The following MMP16 variants were observed in gnomAD, a reference collection of about 807,000 sequenced individuals.
MMP16 encodes matrix metalloproteinase-16.
In MMP16, 12 loss-of-function variants were observed where a neutral mutation model predicts 67.8. That is an observed-to-expected ratio of 0.18 (90% CI 0.11 to 0.29). The LOEUF is 0.29. MMP16 is among the 10% of genes least tolerant of loss of function. The probability of loss-of-function intolerance (pLI) is 1.00; values close to 1 mark genes in which losing one functional copy is unlikely to be tolerated. For synonymous variants in MMP16, 249 were observed against 255.9 expected, an observed-to-expected ratio of 0.97 and a Z score of 0.26; for missense variants, 475 against 765.7, an observed-to-expected ratio of 0.62 and a Z score of 4.48.
At chr8:88,258,619 C>T (rs1810341139) in intron 1 of MMP16, among the ~76,000 whole-genome samples, 1 of 152,222 alleles carries the variant, frequency 6.6e-6, no homozygotes, top group African/African-American at 2.4e-5. Context: ...GATAGCCACA[C>T]TGCCTGATGC....
chr8:88,292,216 A>G (rs1810936523), intron 1 of MMP16, among the ~76,000 whole-genome samples: 1 of 152,248 alleles, frequency 6.6e-6, no homozygotes. Flanking sequence ...GAAGTTAGCA[A>G]AATCGTTCAA....
intron 6 of MMP16, among the ~76,000 whole-genome samples, chr8:88,113,254 A>T (rs1479421068): frequency 6.6e-6 from 1 of 151,834 alleles, no homozygotes; most frequent in African/African-American, 2.4e-5. Context: ...TATAAAAATC[A>T]CTAGAGAGAA....
At chr8:88,106,075 G>T in intron 6 of MMP16, among the ~76,000 whole-genome samples, 1 of 131,910 alleles carries the variant, frequency 7.6e-6, no homozygotes, top group African/African-American at 2.9e-5. Context: ...ATATATATAT[G>T]TATTTATAGT....
intron 1 of MMP16, among the ~76,000 whole-genome samples, chr8:88,233,590 T>C (rs1809896245): frequency 6.6e-6 from 1 of 152,214 alleles, no homozygotes; most frequent in African/African-American, 2.4e-5. Context: ...TTTGTTTTAA[T>C]TCCAAGAGCA....
intron 1 of MMP16, among the ~76,000 whole-genome samples, chr8:88,296,265 T>C (rs1027806614): frequency 6.6e-6 from 1 of 152,194 alleles, no homozygotes; most frequent in Admixed American, 6.5e-5. Flanking sequence ...AAATGAATAA[T>C]GGTTTAAAGT....
chr8:88,285,311 T>C (rs930195470), intron 1 of MMP16, among the ~76,000 whole-genome samples: 40 of 152,078 alleles, frequency 2.6e-4, no homozygotes, highest in Non-Finnish European at 5.6e-4. Context: ...AGCTAATTTT[T>C]ATATTTTTAG....
intron 1 of MMP16, among the ~76,000 whole-genome samples, chr8:88,310,375 C>A (rs1811276480): frequency 6.6e-6 from 1 of 151,956 alleles, no homozygotes; most frequent in Non-Finnish European, 1.5e-5. Flanking sequence ...AAATATGACC[C>A]TTGATTATTT....
At chr8:88,042,752 G>C (rs1223562132) in intron 9 of MMP16, among the ~76,000 whole-genome samples, 1 of 152,008 alleles carries the variant, frequency 6.6e-6, no homozygotes, top group Non-Finnish European at 1.5e-5. Context: ...AGACTTTTAA[G>C]CTCCTGATGA....
chr8:88,078,372 T>C (rs967283583), intron 6 of MMP16, among the ~76,000 whole-genome samples: 2 of 152,188 alleles, frequency 1.3e-5, no homozygotes, highest in South Asian at 2.1e-4. Context: ...TAAATTCACA[T>C]AGTGTACACC....
intron 6 of MMP16, among the ~76,000 whole-genome samples, chr8:88,085,882 G>T (rs1474951384): frequency 1.3e-5 from 2 of 151,692 alleles, no homozygotes; most frequent in African/African-American, 4.8e-5. Flanking sequence ...TCTCAACACT[G>T]AAGAGTTTAG....
At chr8:88,067,210 G>T (rs112201295) in intron 7 of MMP16, among the ~76,000 whole-genome samples, 4,749 of 152,162 alleles carry the variant, frequency 0.031, 230 homozygotes, top group African/African-American at 0.11. Flanking sequence ...GGGAATGAAT[G>T]CATCTCAGCT....
chr8:88,054,628 G>A (rs778699290), intron 8 of MMP16, among the ~76,000 whole-genome samples: 3 of 152,012 alleles, frequency 2.0e-5, no homozygotes, highest in South Asian at 2.1e-4. Flanking sequence ...TTATTATAAC[G>A]AATTAAAATC....
At chr8:88,101,246 A>G (rs2118378434) in intron 6 of MMP16, among the ~76,000 whole-genome samples, 1 of 152,040 alleles carries the variant, frequency 6.6e-6, no homozygotes, top group South Asian at 2.1e-4. Context: ...ATAAGGTAGT[A>G]TATTTTCTTA....
intron 1 of MMP16, among the ~76,000 whole-genome samples, chr8:88,315,154 C>T (rs1811357543): frequency 6.6e-6 from 1 of 152,162 alleles, no homozygotes; most frequent in Admixed American, 6.6e-5. Context: ...TACCTTATTG[C>T]ACTTCACAGA....
rs1421480339 is a variant in MMP16 at position 88,039,540 on chromosome 8, G to A, written c.*1921C>T. ...GTCAAAGGGCAAAGACATAGAACAG[G>A]ACTCTTCAAGGAAAATTTTCACAGA... On this transcript the variant is annotated 3_prime_UTR_variant, in exon 10 of 10. Transcript: ENST00000286614. The surrounding 1 kb of genome is among the most constrained non-coding windows in gnomAD (Gnocchi z 4.5). 6.6e-6 allele frequency: 1 copy of A among 152,564 alleles called. No homozygotes were observed. The highest frequency in any genetic ancestry group is 1.5e-5 in the Non-Finnish European group (1 of 68,026). The allele number at this position is 152,564 out of a possible 1,614,324, so 9.5% of individuals were successfully genotyped here.
At chr8:88,317,807 G>C (rs1184199485) in intron 1 of MMP16, among the ~76,000 whole-genome samples, 1 of 151,776 alleles carries the variant, frequency 6.6e-6, no homozygotes. Flanking sequence ...ACATCTATTG[G>C]TCAACCACCA....
intron 4 of MMP16, among the ~76,000 whole-genome samples, chr8:88,151,456 G>C (rs1267505762): frequency 1.3e-4 from 20 of 150,604 alleles, no homozygotes; most frequent in Non-Finnish European, 2.4e-4. Flanking sequence ...TGACCACATA[G>C]TTGGAAGTAA....
chr8:88,319,924 A>G (rs751191778), intron 1 of MMP16, among the ~76,000 whole-genome samples: 2 of 152,186 alleles, frequency 1.3e-5, no homozygotes, highest in African/African-American at 2.4e-5. Flanking sequence ...GACTTACTTC[A>G]ATAATCCATA....
rs933587831 is a variant in MMP16 at position 88,180,652 on chromosome 8, C to CA, written c.404+5823dup. The stretch of plus-strand genomic sequence containing the variant: ...CATGTTACTAAAATTGATAGAACTG[C>CA]AAAAAAAAATGCATGAGGCACTATT... On this transcript the variant is annotated intron_variant, in intron 3 of 9. Transcript: ENST00000286614. 8.0e-3 allele frequency among the ~76,000 whole-genome samples: 1,194 copies of CA among 148,742 alleles called. 12 individuals are homozygous for CA. Among genetic ancestry groups the CA allele is most frequent in the African/African-American group, 0.027 (1,102 of 40,562 alleles).
Sources: gnomAD v4.1 joint callset for allele counts (sites outside exome capture counted in the v4.1 genomes callset) on GRCh38, gnomAD v4.1.1 for gene constraint, Gnocchi (gnomAD v3.1) non-coding constraint, MANE v1.5 for transcripts, NCBI Gene and HGNC (gene_info 2026-07-23, HGNC 2026-07-21) for gene names.